The following CES3 variants were observed in gnomAD, a reference collection of about 807,000 sequenced individuals.
CES3 encodes carboxylesterase 3.
CES3 carries 49 observed loss-of-function variants against 57.6 expected under a neutral mutation model. The observed-to-expected ratio is 0.85, with a 90% CI of 0.68 to 1.08. The LOEUF (loss-of-function observed/expected upper bound fraction) is 1.08, where lower values mean the gene tolerates loss of function less well. Among genes scored for constraint, CES3 ranks in the 50% least tolerant of loss-of-function variants. The pLI is 0.00. For missense variants in CES3, 645 were observed against 742.0 expected, an observed-to-expected ratio of 0.87 and a Z score of 1.52; for synonymous variants, 266 against 281.6, an observed-to-expected ratio of 0.94 and a Z score of 0.55.
chr16:66,972,793 G>C (rs372222834), intron 12 of CES3, 47 bp downstream of exon 12: 11 of 1,613,956 alleles, frequency 6.8e-6, no homozygotes, highest in Non-Finnish European at 9.3e-6. Flanking sequence ...GGGATGCTCA[G>C]GTCGGCCCCT....
rs371129085 is a variant in CES3 at position 66,972,742 on chromosome 16, A to G, written c.1516A>G (p.Thr506Ala). ...MMAQWTHFARTGDPNSKALPP... is the reference protein window; with the variant it reads ...MMAQWTHFARAGDPNSKALPP... Reference sequence around the variant, plus strand: ...GGCCCAGTGGACCCACTTTGCCCGGACAGGGTGAGTGAGTGACAGGGCATA... The same window carrying G: ...GGCCCAGTGGACCCACTTTGCCCGGGCAGGGTGAGTGAGTGACAGGGCATA... Residue 506 changes from threonine to alanine, a missense_variant, in exon 12 of 13, where the codon ACA becomes GCA. By Grantham distance (58) the Thr-to-Ala change is moderately conservative. Transcript: ENST00000303334. 7.4e-6 allele frequency: 12 copies of G among 1,614,072 alleles called. No homozygotes were observed. The African/African-American group carries it at 1.6e-4, about 22-fold the overall frequency.
chr16:66,974,080 G>C lies in CES3; in HGVS notation c.*1031G>C, dbSNP rs1018946281. 2.6e-5 allele frequency: 4 copies of C among 152,394 alleles called. No individual in the cohort carries two copies. Among genetic ancestry groups the C allele is most frequent in the African/African-American group, 7.2e-5 (3 of 41,470 alleles). 9.4% of individuals were successfully genotyped at this position (152,394 alleles called of 1,614,324 possible). On this transcript the variant is annotated 3_prime_UTR_variant, in exon 13 of 13. Transcript: ENST00000303334. ...GGCTGCAAAAGGTGAAAAGCACCAA[G>C]AGGTTTTCAGATGGAAGTGAGAGGT...
rs924295794 is a variant in CES3, at chr16:66,973,128, C to A, written c.*79C>A. 1 of 1,299,252 alleles carries A rather than the reference C, an allele frequency of 7.7e-7. No individual in the cohort carries two copies. The highest frequency in any genetic ancestry group is 1.1e-6 in the Non-Finnish European group (1 of 930,976). 80.5% of individuals were successfully genotyped at this position (1,299,252 alleles called of 1,614,324 possible). On this transcript the variant is annotated 3_prime_UTR_variant, in exon 13 of 13. Transcript: ENST00000303334. ...AGTCCCAGCACGGCAGCCCGCCTCT[C>A]CCCCTGCTGAGACTTTAATCTCCAC...
chr16:66,967,890 C>G (rs138938097), intron 8 of CES3: 1 of 414,552 alleles, frequency 2.4e-6, no homozygotes, highest in African/African-American at 2.2e-5. Context: ...CTGAGTAGCT[C>G]GGGCCTCAGG....
chr16:66,968,819 C>A (rs1963781063), intron 8 of CES3, among the ~76,000 whole-genome samples: 1 of 152,078 alleles, frequency 6.6e-6, no homozygotes, highest in Non-Finnish European at 1.5e-5. Flanking sequence ...GAGGCTGAGG[C>A]ACGAGAATCA....
intron 8 of CES3, among the ~76,000 whole-genome samples, chr16:66,968,312 C>T (rs1442391257): frequency 6.6e-6 from 1 of 152,064 alleles, no homozygotes; most frequent in Non-Finnish European, 1.5e-5. Context: ...TTACAGGCAT[C>T]TGCCACCATG....
Position 66,964,369 on chromosome 16 carries a change from G to GC in CES3, c.574dup (p.His192ProfsTer28). 6.2e-7 allele frequency: 1 copy of GC among 1,613,908 alleles called. No homozygotes were observed. Among genetic ancestry groups the GC allele is most frequent in the East Asian group, 2.2e-5 (1 of 44,882 alleles). ...ACACTGCCCCCAGCACTGGAGATGA[G>GC]CATGCACCTGGCAACCAGGGCTTCC... is the stretch of plus-strand genomic sequence containing the variant. On this transcript the variant is annotated frameshift_variant, in exon 5 of 13. Coordinates refer to ENST00000303334, the MANE Select transcript of CES3 (RefSeq NM_024922.6). LOFTEE classifies it high-confidence loss of function.
chr16:66,972,971 C>G lies in CES3; in HGVS notation c.1638C>G (p.Phe546Leu). 6.2e-7 allele frequency: 1 copy of G among 1,614,158 alleles called. No homozygotes were observed. Among genetic ancestry groups the G allele is most frequent in the Non-Finnish European group, 8.5e-7 (1 of 1,180,042 alleles). ...AGTTCAGGGAGGCCTGGATGCAGTT[C>G]TGGTCAGAGACGCTCCCCAGCAAGA... ...GQKFREAWMQ[F>L]WSETLPSKIQ... The change falls in exon 13 of 13, where the codon TTC becomes TTG. Residue 546 changes from phenylalanine (F) to leucine (L), a missense_variant. Coordinates refer to ENST00000303334, the MANE Select transcript of CES3 (RefSeq NM_024922.6).
intron 8 of CES3, chr16:66,967,534 G>T (rs545965471): frequency 2.0e-6 from 2 of 985,504 alleles, no homozygotes; most frequent in Non-Finnish European, 2.4e-6. Flanking sequence ...TCAAGCCACC[G>T]GGGACTTCAT....
rs183635531 is a variant in CES3, at chr16:66,966,609, C to A, written c.922-116C>A. 37 of 1,332,762 alleles carry A rather than the reference C, an allele frequency of 2.8e-5. No individual in the cohort carries two copies. In the East Asian group the frequency reaches 8.1e-4, roughly 29 times the overall value. The allele number at this position is 1,332,762 out of a possible 1,614,324, so 82.6% of individuals were successfully genotyped here. On this transcript the variant is annotated intron_variant, in intron 7 of 12. Transcript: ENST00000303334. ...CCCCTTAACCCTGGTGATCTTCATC[C>A]CTTCACTTTCCCTCCAGGCTCAGAC...
chr16:66,971,437 C>A, intron 10 of CES3, 118 bp downstream of exon 10: 1 of 927,034 alleles, frequency 1.1e-6, no homozygotes, highest in Non-Finnish European at 1.6e-6. Context: ...ACCCCACACC[C>A]CACTGCCCCC....
chr16:66,964,279 G>A, intron 4 of CES3, 78 bp from the exon 5 acceptor site: 3 of 1,559,108 alleles, frequency 1.9e-6, no homozygotes, highest in South Asian at 2.4e-5. Context: ...TGGCATCCTG[G>A]TGGCTAATTC....
At chr16:66,967,834 T>A (rs1963760159) in intron 8 of CES3, 10 of 878,530 alleles carry the variant, frequency 1.1e-5, no homozygotes, top group Middle Eastern at 1.2e-3. Context: ...CCATCATGAC[T>A]CTCTACTGCC....
In CES3 at chr16:66,964,271, G is replaced by A. The variant is rs1398564241; in HGVS notation, c.561-86G>A. 3.9e-6 allele frequency: 6 copies of A among 1,542,404 alleles called. No individual in the cohort carries two copies. In the East Asian group the frequency reaches 1.4e-4, roughly 35 times the overall value. On this transcript the variant is annotated intron_variant, in intron 4 of 12. Transcript: ENST00000303334. ...GACCTGGGGAGCAGAGAAGGGTCTG[G>A]CATCCTGGTGGCTAATTCAAAGCAA...
chr16:66,963,305 T>G lies in CES3; in HGVS notation c.209T>G (p.Leu70Arg), dbSNP rs1156250030. ...FLGIPFAQPP[L>R]GPDRFSAPHP... is the part of the protein sequence containing the mutation. Reference sequence around the variant, plus strand: ...GGCATTCCATTTGCCCAGCCGCCACTGGGCCCTGACCGGTTCTCAGCCCCA... The same window carrying G: ...GGCATTCCATTTGCCCAGCCGCCACGGGGCCCTGACCGGTTCTCAGCCCCA... The change falls in exon 2 of 13, where the codon CTG becomes CGG. Residue 70 changes from leucine (L) to arginine (R), a missense_variant. Leu to Arg is a moderately radical substitution (Grantham distance 102). Transcript: ENST00000303334. The surrounding 1 kb of genome is among the most constrained non-coding windows in gnomAD (Gnocchi z 4.9). 6.2e-7 allele frequency: 1 copy of G among 1,613,904 alleles called. No homozygotes were observed. The highest frequency in any genetic ancestry group is 1.3e-5 in the African/African-American group (1 of 75,034).
chr16:66,966,376 G>C (rs753100869), intron 7 of CES3, 31 bp downstream of exon 7: 16 of 1,597,268 alleles, frequency 1.0e-5, no homozygotes, highest in Non-Finnish European at 1.4e-5. Flanking sequence ...ATGGTGCCGG[G>C]CAATGGCACA....
At chr16:66,967,685 CT>C (rs112843467) in intron 8 of CES3, 96,043 of 638,004 alleles carry the variant, frequency 0.15, 5 homozygotes, top group Non-Finnish European at 0.17. Context: ...CTTCACTTTT[CT>C]TTTTTTTTTT....
Position 66,963,108 on chromosome 16 carries a change from G to T in CES3, c.83-71G>T. 6.7e-7 allele frequency: 1 copy of T among 1,495,114 alleles called. No individual in the cohort carries two copies. 92.6% of individuals were successfully genotyped at this position (1,495,114 alleles called of 1,614,324 possible). A position where few individuals can be genotyped will look rare whatever the true frequency, so the allele number is the denominator to read the frequency against. Reference sequence around the variant, plus strand: ...TGGTAAGTACTGAGAACAGCCTGAGGGTTTGTCTTTCACTCCTTCCCCTCA... The same window carrying T: ...TGGTAAGTACTGAGAACAGCCTGAGTGTTTGTCTTTCACTCCTTCCCCTCA... On this transcript the variant is annotated intron_variant, in intron 1 of 12. Coordinates refer to ENST00000303334, the MANE Select transcript of CES3 (RefSeq NM_024922.6). This position sits in a 1 kb window ranked among gnomAD's most constrained non-coding sequence, Gnocchi z 4.9.
In CES3 at chr16:66,975,043, A is replaced by G. The variant is rs1348967939; in HGVS notation, c.*1994A>G. The G allele has an allele frequency of 1.3e-5, 2 of 152,266 alleles. No individual in the cohort carries two copies. Among genetic ancestry groups the G allele is most frequent in the Non-Finnish European group, 2.9e-5 (2 of 68,082 alleles). The allele number at this position is 152,266 out of a possible 1,614,324, so 9.4% of individuals were successfully genotyped here. A position where few individuals can be genotyped will look rare whatever the true frequency, so the allele number is the denominator to read the frequency against. ...GATGTGGGTGGGGCGAGACAAGAGAATAAAAGCAGGCTGCCTGAGCCAGCA... is the reference window on the plus strand; with the variant it reads ...GATGTGGGTGGGGCGAGACAAGAGAGTAAAAGCAGGCTGCCTGAGCCAGCA... On this transcript the variant is annotated 3_prime_UTR_variant, in exon 13 of 13. Transcript: ENST00000303334.
Sources: allele counts gnomAD v4.1 joint callset (sites outside exome capture counted in the v4.1 genomes callset), GRCh38; gene constraint gnomAD v4.1.1; non-coding constraint Gnocchi (gnomAD v3.1); transcripts MANE v1.5; gene names NCBI Gene and HGNC (gene_info 2026-07-23, HGNC 2026-07-21).